TNNI3K: variants seen among roughly 807,000 people sequenced by gnomAD.
TNNI3K encodes TNNI3 interacting kinase.
In TNNI3K, 140 loss-of-function variants were observed where a neutral mutation model predicts 114.5. The ratio of observed to expected loss-of-function variants is 1.22; its 90% CI spans 1.07 to 1.41. The LOEUF (loss-of-function observed/expected upper bound fraction) is 1.41. Ranked by LOEUF, TNNI3K falls within the 40% of genes most tolerant of loss-of-function variation. TNNI3K has a pLI of 0.00. For synonymous variants in TNNI3K, 347 were observed against 347.5 expected (o/e 1.00, Z 0.02); for missense variants, 1,125 against 1,007.6 (o/e 1.12, Z -1.58).
At chr1:74,436,018 A>G (rs949966524) in intron 17 of TNNI3K, 62 bp from the exon 18 acceptor site, 2 of 1,558,682 alleles carry the variant, frequency 1.3e-6, no homozygotes, top group African/African-American at 1.4e-5. Flanking sequence ...TGAGGGGCCA[A>G]TTAGATTAGG....
At chr1:74,244,303 A>C (rs949098793) in intron 2 of TNNI3K, among the ~76,000 whole-genome samples, 1 of 152,084 alleles carries the variant, frequency 6.6e-6, no homozygotes, top group African/African-American at 2.4e-5. Flanking sequence ...GGAGGATATA[A>C]TTCAAGAGGA....
intron 5 of TNNI3K, among the ~76,000 whole-genome samples, chr1:74,303,873 C>T (rs777737189): frequency 3.3e-5 from 5 of 152,044 alleles, no homozygotes; most frequent in Non-Finnish European, 7.4e-5. Context: ...GATTCCAGCC[C>T]TCAAGGATGA....
At chr1:74,433,531 T>C (rs537698540) in intron 17 of TNNI3K, among the ~76,000 whole-genome samples, 1 of 152,290 alleles carries the variant, frequency 6.6e-6, no homozygotes, top group South Asian at 2.1e-4. Flanking sequence ...TTGAAGTGAA[T>C]AGAAACTTTC....
intron 20 of TNNI3K, among the ~76,000 whole-genome samples, chr1:74,462,117 T>G (rs1232174986): frequency 3.3e-5 from 5 of 152,234 alleles, no homozygotes; most frequent in Non-Finnish European, 2.9e-5. Context: ...TTCCTTCTAA[T>G]TCTCTTAATT....
At chr1:74,481,453 C>T (rs557604407) in intron 21 of TNNI3K, among the ~76,000 whole-genome samples, 3 of 152,252 alleles carry the variant, frequency 2.0e-5, no homozygotes, top group South Asian at 4.1e-4. Context: ...AGTAAAGGTG[C>T]GAGTTGGGAT....
At chr1:74,260,060 A>G (rs866962347) in intron 4 of TNNI3K, among the ~76,000 whole-genome samples, 1 of 152,048 alleles carries the variant, frequency 6.6e-6, no homozygotes, top group South Asian at 2.1e-4. Context: ...ATATTTTTTA[A>G]TTTCTTTTCC....
intron 20 of TNNI3K, among the ~76,000 whole-genome samples, chr1:74,443,474 A>G (rs1666476100): frequency 6.6e-6 from 1 of 152,014 alleles, no homozygotes; most frequent in African/African-American, 2.4e-5. Context: ...AGTTGCTTGC[A>G]TGAATAGACC....
intron 23 of TNNI3K, among the ~76,000 whole-genome samples, chr1:74,502,918 G>A (rs1385858187): frequency 1.3e-5 from 2 of 152,136 alleles, no homozygotes; most frequent in African/African-American, 2.4e-5. Context: ...TAAAAGTAGC[G>A]ACAACCAATC....
chr1:74,251,757 T>C (rs765889960), intron 4 of TNNI3K, among the ~76,000 whole-genome samples: 36 of 152,324 alleles, frequency 2.4e-4, no homozygotes, highest in Admixed American at 5.9e-4. Flanking sequence ...GAGTTTGTCA[T>C]TGGGAGGGAA....
chr1:74,383,048 T>C (rs1397045843), intron 17 of TNNI3K, among the ~76,000 whole-genome samples: 1 of 151,916 alleles, frequency 6.6e-6, no homozygotes, highest in African/African-American at 2.4e-5. Context: ...ATTACAGGCT[T>C]CGAATTCTTT....
intron 21 of TNNI3K, chr1:74,483,178 A>T: frequency 2.9e-6 from 2 of 683,066 alleles, no homozygotes; most frequent in Admixed American, 4.2e-5. Flanking sequence ...CTGAGCCCAG[A>T]GAACAGTCAG....
At chr1:74,475,293 A>G (rs1207255829) in intron 21 of TNNI3K, 2 of 637,670 alleles carry the variant, frequency 3.1e-6, no homozygotes, top group South Asian at 3.7e-5. Context: ...AGACAAACTC[A>G]CCTTCTGTTC....
At chr1:74,269,042 A>G (rs1409459385) in intron 4 of TNNI3K, among the ~76,000 whole-genome samples, 2 of 151,918 alleles carry the variant, frequency 1.3e-5, no homozygotes, top group Non-Finnish European at 2.9e-5. Flanking sequence ...ACAAGCTTAT[A>G]TCTGTCTTTC....
intron 12 of TNNI3K, 91 bp downstream of exon 12, chr1:74,367,433 G>A (rs1662334113): frequency 1.3e-5 from 19 of 1,410,854 alleles, no homozygotes; most frequent in South Asian, 3.6e-5. Flanking sequence ...TCTTTCAGGG[G>A]TTAGGGAGGA....
chr1:74,343,637 C>A (rs1377603871), intron 9 of TNNI3K, among the ~76,000 whole-genome samples: 1 of 152,128 alleles, frequency 6.6e-6, no homozygotes, highest in Non-Finnish European at 1.5e-5. Flanking sequence ...CTATCTAAAA[C>A]ATCCATCTGT....
At chr1:74,418,521 A>C (rs1439792134) in intron 17 of TNNI3K, among the ~76,000 whole-genome samples, 1 of 152,120 alleles carries the variant, frequency 6.6e-6, no homozygotes, top group African/African-American at 2.4e-5. Context: ...GAATTTTATT[A>C]TAGTCCAATG....
At chr1:74,322,740 C>A (rs1277674180) in intron 5 of TNNI3K, among the ~76,000 whole-genome samples, 2 of 152,116 alleles carry the variant, frequency 1.3e-5, no homozygotes, top group Non-Finnish European at 2.9e-5. Context: ...GGATCACAGG[C>A]ACTTTGCTGG....
intron 4 of TNNI3K, among the ~76,000 whole-genome samples, chr1:74,258,266 C>T (rs904362301): frequency 1.3e-5 from 2 of 151,962 alleles, no homozygotes; most frequent in African/African-American, 2.4e-5. Context: ...TTCTGCAGTG[C>T]CCTCTCTGTG....
intron 17 of TNNI3K, among the ~76,000 whole-genome samples, chr1:74,428,959 C>T (rs187067988): frequency 2.0e-5 from 3 of 152,106 alleles, no homozygotes; most frequent in Admixed American, 6.6e-5. Flanking sequence ...AACAGAATGT[C>T]GGGTGAGGCT....
Sources: allele counts gnomAD v4.1 joint callset (sites outside exome capture counted in the v4.1 genomes callset), GRCh38; gene constraint gnomAD v4.1.1; transcripts MANE v1.5; gene names NCBI Gene and HGNC (gene_info 2026-07-23, HGNC 2026-07-21).